GCNT1: variants seen among roughly 807,000 people sequenced by gnomAD.
The protein encoded by GCNT1 is glucosaminyl (N-acetyl) transferase 1, also known as beta-1,3-galactosyl-O-glycosyl-glycoprotein beta-1,6-N-acetylglucosaminyltransferase.
Under a neutral mutation model 26.2 loss-of-function variants are expected in GCNT1, and 16 were observed. The ratio of observed to expected loss-of-function variants is 0.61; its 90% CI spans 0.41 to 0.93. The LOEUF (loss-of-function observed/expected upper bound fraction) is 0.93, where lower values mean the gene tolerates loss of function less well. Ranked by LOEUF, GCNT1 falls within the 40% of genes least tolerant of loss-of-function variation. The pLI is 0.00. For missense variants in GCNT1, 477 were observed against 526.7 expected (o/e 0.91, Z 0.92); for synonymous variants, 183 against 190.8 (o/e 0.96, Z 0.34).
chr9:76,474,832 G>C (rs1314845543), intron 2 of GCNT1, among the ~76,000 whole-genome samples: 1 of 152,242 alleles, frequency 6.6e-6, no homozygotes, highest in Non-Finnish European at 1.5e-5. Flanking sequence ...AGAAGTGTTT[G>C]AATAAACATC....
At chr9:76,425,136 CTAAAAAAAAAA>C (rs1823243584) in intron 1 of GCNT1, among the ~76,000 whole-genome samples, 1 of 58,714 alleles carries the variant, frequency 1.7e-5, no homozygotes, top group African/African-American at 6.2e-5. Flanking sequence ...GAAACTCCGT[CTAAAAAAAAAA>C]AAAAAAAAAA....
At chr9:76,484,369 T>TA (rs538164343) in intron 2 of GCNT1, among the ~76,000 whole-genome samples, 5,445 of 139,730 alleles carry the variant, frequency 0.039, 310 homozygotes, top group African/African-American at 0.13. Flanking sequence ...GACCCTGTCT[T>TA]AAAAAAAAAA....
intron 2 of GCNT1, among the ~76,000 whole-genome samples, chr9:76,497,763 CAAAA>C (rs921214078): frequency 3.3e-5 from 5 of 151,350 alleles, no homozygotes; most frequent in African/African-American, 1.2e-4. Context: ...CTGTTTAAAA[CAAAA>C]AAAAACCCAA....
chr9:76,407,806 A>C, the GCNT1 span, among the ~76,000 whole-genome samples: 4 of 152,184 alleles, frequency 2.6e-5, no homozygotes, highest in Non-Finnish European at 4.4e-5. Context: ...AGAGTTTTGT[A>C]GTTTTTCTCA....
chr9:76,486,518 A>C (rs1233705037), intron 2 of GCNT1, among the ~76,000 whole-genome samples: 1 of 152,186 alleles, frequency 6.6e-6, no homozygotes. Context: ...TGGGCTGTAA[A>C]TTGCACGGTC....
chr9:76,398,971 T>C, the GCNT1 span: 1 of 1,510,576 alleles, frequency 6.6e-7, no homozygotes. Flanking sequence ...TGAAGTTTGC[T>C]GCTGCCACTG....
upstream of GCNT1, among the ~76,000 whole-genome samples, chr9:76,455,593 T>C (rs542940494): frequency 3.3e-5 from 5 of 152,106 alleles, no homozygotes; most frequent in Admixed American, 3.3e-4. Flanking sequence ...TTTTTTTTAA[T>C]TTATTCTTAT....
At chr9:76,441,620 C>T (rs1035513657), upstream of GCNT1, 3 of 152,210 alleles carry the variant, frequency 2.0e-5, no homozygotes, top group African/African-American at 7.2e-5. Context: ...GTATCTGTTT[C>T]GTATGTGGGA....
chr9:76,497,412 C>T (rs148038682), intron 2 of GCNT1, among the ~76,000 whole-genome samples: 1 of 152,252 alleles, frequency 6.6e-6, no homozygotes, highest in Admixed American at 6.5e-5. Context: ...TGGTTAATTA[C>T]AATTCCTTCG....
chr9:76,462,717 A>T (rs577985689), intron 2 of GCNT1, among the ~76,000 whole-genome samples: 4 of 152,306 alleles, frequency 2.6e-5, no homozygotes, highest in Admixed American at 2.6e-4. Context: ...GCTATTTGTA[A>T]ATTTAAACAT....
At chr9:76,454,403 AAAAAAAAAAAAG>A (rs1220543406), upstream of GCNT1, among the ~76,000 whole-genome samples, 2 of 150,304 alleles carry the variant, frequency 1.3e-5, no homozygotes, top group African/African-American at 4.9e-5. Flanking sequence ...AAAAAAAAAA[AAAAAAAAAAAAG>A]AACCAGTATC....
chr9:76,488,016 G>A (rs1824627315), intron 2 of GCNT1, among the ~76,000 whole-genome samples: 2 of 152,228 alleles, frequency 1.3e-5, no homozygotes, highest in African/African-American at 4.8e-5. Context: ...TCAGAGGCAT[G>A]AGCCATGGCA....
chr9:76,394,025 G>C, the GCNT1 span: 22 of 1,473,120 alleles, frequency 1.5e-5, no homozygotes, highest in Admixed American at 3.7e-4. Context: ...CCAAGTCCCC[G>C]GCTGCCGTCT....
rs1825179453 is a variant in GCNT1, at chr9:76,504,427, A to G, written c.*759A>G. The G allele has an allele frequency of 4.4e-6, 1 of 228,868 alleles. No individual in the cohort carries two copies. Among genetic ancestry groups the G allele is most frequent in the African/African-American group, 2.3e-5 (1 of 43,970 alleles). The allele number at this position is 228,868 out of a possible 1,614,324, so 14.2% of individuals were successfully genotyped here. A position where few individuals can be genotyped will look rare whatever the true frequency, so the allele number is the denominator to read the frequency against. On this transcript the variant is annotated 3_prime_UTR_variant, in exon 4 of 4. Transcript: ENST00000376730. ...ACCAAGAGAAACACTCAATTTTTCT[A>G]GAGATTTGCCTCTATCTTCCTTTCC... is the stretch of plus-strand genomic sequence containing the variant.
rs1344693058 is a variant in GCNT1, at chr9:76,428,286, AAAACTT to A, written n.38+8403_38+8408del. Among the ~76,000 whole-genome samples, 37 of 141,444 alleles carry A rather than the reference AAAACTT, an allele frequency of 2.6e-4. 1 individual carries two copies. The highest frequency in any genetic ancestry group is 4.9e-4 in the African/African-American group (19 of 38,614). 92.8% of individuals were successfully genotyped at this position (141,444 alleles called of 152,430 possible). ...GTCTCAAAAAAAAAAAAAAAAAAAA[AAAACTT>A]AAAAAAAAAAAGAGAGAGAGAAATG... is the stretch of plus-strand genomic sequence containing the variant. On this transcript the variant is annotated intron_variant and non_coding_transcript_variant, in intron 1 of 3. Transcript: ENST00000488136.
At chr9:76,438,638 G>C (rs910443379), upstream of GCNT1, among the ~76,000 whole-genome samples, 1 of 151,910 alleles carries the variant, frequency 6.6e-6, no homozygotes, top group Non-Finnish European at 1.5e-5. Flanking sequence ...TTAATTTTTT[G>C]TTTACAGCCA....
At chr9:76,399,944 A>C in the GCNT1 span, among the ~76,000 whole-genome samples, 1 of 152,216 alleles carries the variant, frequency 6.6e-6, no homozygotes, top group African/African-American at 2.4e-5. Flanking sequence ...AGGAAACTTA[A>C]CTGCATATTA....
At chr9:76,419,638 A>G (rs1293329191), upstream of GCNT1, among the ~76,000 whole-genome samples, 1 of 152,128 alleles carries the variant, frequency 6.6e-6, no homozygotes, top group African/African-American at 2.4e-5. Context: ...AGCCTGGGGG[A>G]CAAATTGAGA....
At chr9:76,439,229 T>TC (rs1823449576), upstream of GCNT1, among the ~76,000 whole-genome samples, 1 of 145,022 alleles carries the variant, frequency 6.9e-6, no homozygotes, top group Admixed American at 6.8e-5. Flanking sequence ...TTTTCTTTTT[T>TC]TTTTTTTTTT....
Sources: gnomAD v4.1 joint callset for allele counts (sites outside exome capture counted in the v4.1 genomes callset) on GRCh38, gnomAD v4.1.1 for gene constraint, MANE v1.5 for transcripts, NCBI Gene and HGNC (gene_info 2026-07-23, HGNC 2026-07-21) for gene names.